The following MAGI3 variants were observed in gnomAD, a reference collection of about 807,000 sequenced individuals.
MAGI3 encodes the protein membrane associated guanylate kinase, WW and PDZ domain containing 3.
Under a neutral mutation model 121.8 loss-of-function variants are expected in MAGI3, and 43 were observed. The ratio of observed to expected loss-of-function variants is 0.35; its 90% CI spans 0.28 to 0.46. The LOEUF (loss-of-function observed/expected upper bound fraction) is 0.46, where lower values mean the gene tolerates loss of function less well. MAGI3 is among the 20% of genes least tolerant of loss of function. The probability of loss-of-function intolerance (pLI) is 1.00; values close to 1 mark genes in which losing one functional copy is unlikely to be tolerated. For missense variants in MAGI3, 1,547 were observed against 1,797.3 expected, an observed-to-expected ratio of 0.86 and a Z score of 2.52; for synonymous variants, 553 against 639.3, an observed-to-expected ratio of 0.86 and a Z score of 2.04.
chr1:113,412,281 A>G (rs1189410705), intron 1 of MAGI3, among the ~76,000 whole-genome samples: 2 of 152,078 alleles, frequency 1.3e-5, no homozygotes, highest in Non-Finnish European at 1.5e-5. Flanking sequence ...ATTGATGGAC[A>G]TTTGGGTTGG....
chr1:113,552,242 T>C (rs1306734011), intron 2 of MAGI3, among the ~76,000 whole-genome samples: 5 of 152,240 alleles, frequency 3.3e-5, no homozygotes. Flanking sequence ...CTAAAGCTTT[T>C]TCTTTACTCG....
At chr1:113,566,546 A>G (rs1305689331) in intron 2 of MAGI3, among the ~76,000 whole-genome samples, 1 of 152,182 alleles carries the variant, frequency 6.6e-6, no homozygotes, top group Admixed American at 6.5e-5. Flanking sequence ...ATGATAAACC[A>G]CATTAGACCA....
chr1:113,476,861 C>G (rs1655849011), intron 1 of MAGI3, among the ~76,000 whole-genome samples: 2 of 152,120 alleles, frequency 1.3e-5, no homozygotes, highest in Admixed American at 1.3e-4. Flanking sequence ...GAGTCTAAGT[C>G]TCTTTGTAGG....
intron 1 of MAGI3, among the ~76,000 whole-genome samples, chr1:113,520,511 A>G (rs1658123943): frequency 6.6e-6 from 1 of 152,144 alleles, no homozygotes; most frequent in African/African-American, 2.4e-5. Flanking sequence ...TTATACTGCT[A>G]TTTATGTGTC....
chr1:113,576,910 C>A (rs1229526876), intron 2 of MAGI3: 2 of 152,138 alleles, frequency 1.3e-5, no homozygotes, highest in African/African-American at 2.4e-5. Flanking sequence ...TGACTTTACA[C>A]ACCCAGGATA....
chr1:113,416,331 T>TTAATTATGC (rs1557744636), intron 1 of MAGI3, among the ~76,000 whole-genome samples: 1 of 73,558 alleles, frequency 1.4e-5, no homozygotes, highest in Non-Finnish European at 2.6e-5. Context: ...ATTAATTATA[T>TTAATTATGC]ATCAATCATA....
chr1:113,637,310 G>A (rs1652101736), intron 9 of MAGI3, among the ~76,000 whole-genome samples: 1 of 152,208 alleles, frequency 6.6e-6, no homozygotes, highest in African/African-American at 2.4e-5. Context: ...AGTTGATGCA[G>A]TTTCTTCCTA....
At chr1:113,394,201 A>C (rs1235194712) in intron 1 of MAGI3, among the ~76,000 whole-genome samples, 1 of 151,638 alleles carries the variant, frequency 6.6e-6, no homozygotes, top group Non-Finnish European at 1.5e-5. Flanking sequence ...TTTTGTTGTT[A>C]TAATCTTTAA....
chr1:113,619,742 T>A lies in MAGI3; in HGVS notation c.1083T>A (p.Leu361=). The A allele has an allele frequency of 6.2e-7, 1 of 1,611,644 alleles. No individual in the cohort carries two copies. Among genetic ancestry groups the A allele is most frequent in the South Asian group, 1.1e-5 (1 of 90,956 alleles). ...ATTTTTCTGCATTCTACAGTCACCT[T>A]AACCAGAAAACCCAGTTTGAAAATC... The part of the protein sequence containing the change: ...PQYGTYYVDH[L]NQKTQFENPV... The change falls in exon 8 of 21, where the codon CTT becomes CTA. Residue 361 remains leucine (L), a synonymous_variant. Transcript: ENST00000307546.
chr1:113,666,332 C>G (rs1263072492), intron 16 of MAGI3, among the ~76,000 whole-genome samples: 1 of 152,234 alleles, frequency 6.6e-6, no homozygotes, highest in Non-Finnish European at 1.5e-5. Context: ...TCCTCTCAAA[C>G]TTTGCCTCTA....
chr1:113,542,686 G>A (rs1659345094), intron 1 of MAGI3, among the ~76,000 whole-genome samples: 2 of 152,130 alleles, frequency 1.3e-5, no homozygotes. Flanking sequence ...CAGGAAACCT[G>A]TACTCTATAA....
intron 1 of MAGI3, among the ~76,000 whole-genome samples, chr1:113,476,510 GT>G (rs1655828337): frequency 6.6e-6 from 1 of 152,178 alleles, no homozygotes; most frequent in Non-Finnish European, 1.5e-5. Context: ...AAGTTGTTCA[GT>G]TTCCATGAAG....
intron 19 of MAGI3, among the ~76,000 whole-genome samples, chr1:113,678,472 T>C (rs1465536079): frequency 6.6e-6 from 1 of 152,222 alleles, no homozygotes; most frequent in Non-Finnish European, 1.5e-5. Context: ...ATCTTACATA[T>C]TAAATCCATC....
intron 19 of MAGI3, among the ~76,000 whole-genome samples, chr1:113,680,532 C>A (rs1228806214): frequency 6.6e-6 from 1 of 151,788 alleles, no homozygotes; most frequent in African/African-American, 2.4e-5. Context: ...CTGAGGCGGG[C>A]GGATCACGAG....
intron 1 of MAGI3, among the ~76,000 whole-genome samples, chr1:113,479,059 G>C (rs991659840): frequency 2.6e-5 from 4 of 152,354 alleles, no homozygotes; most frequent in South Asian, 4.1e-4. Context: ...GCCAAGCCAG[G>C]CATGGGAGAG....
intron 1 of MAGI3, among the ~76,000 whole-genome samples, chr1:113,427,277 A>G (rs1648742640): frequency 1.3e-5 from 2 of 152,220 alleles, no homozygotes; most frequent in African/African-American, 4.8e-5. Context: ...CCAAAGATGC[A>G]TCTCAGGAGA....
At chr1:113,682,699 C>A (rs568286276) in intron 20 of MAGI3, 198 bp from the exon 21 acceptor site, 15 of 978,936 alleles carry the variant, frequency 1.5e-5, no homozygotes, top group Non-Finnish European at 1.8e-5. Context: ...TATAAACAAC[C>A]CATCCTTCAT....
chr1:113,415,845 G>T (rs548313702), intron 1 of MAGI3, among the ~76,000 whole-genome samples: 1 of 151,980 alleles, frequency 6.6e-6, no homozygotes, highest in Non-Finnish European at 1.5e-5. Context: ...GTCTTTAAAT[G>T]AGTGCGTTTT....
intron 13 of MAGI3, among the ~76,000 whole-genome samples, chr1:113,650,432 G>T (rs114586885): frequency 0.021 from 3,262 of 152,230 alleles, 115 homozygotes; most frequent in African/African-American, 0.074. Context: ...ATTCAGGATT[G>T]CCTAATTACA....
Sources: allele counts gnomAD v4.1 joint callset (sites outside exome capture counted in the v4.1 genomes callset), GRCh38; gene constraint gnomAD v4.1.1; transcripts MANE v1.5; gene names NCBI Gene and HGNC (gene_info 2026-07-23, HGNC 2026-07-21).